FXN: variants seen among roughly 807,000 people sequenced by gnomAD.
FXN encodes the protein frataxin, mitochondrial.
FXN carries 14 observed loss-of-function variants against 22.4 expected under a neutral mutation model. The observed-to-expected ratio is 0.62, with a 90% CI of 0.41 to 0.98. The LOEUF (loss-of-function observed/expected upper bound fraction) is 0.98. Among genes scored for constraint, FXN ranks in the 50% least tolerant of loss-of-function variants. The pLI, the probability that FXN is intolerant of heterozygous loss-of-function variation, is 0.00. For synonymous variants in FXN, 120 were observed against 114.1 expected (o/e 1.05, Z -0.33); for missense variants, 267 against 268.4 (o/e 0.99, Z 0.04).
chr9:69,041,184 C>T (rs754061837), intron 1 of FXN, among the ~76,000 whole-genome samples: 42 of 152,186 alleles, frequency 2.8e-4, no homozygotes, highest in Non-Finnish European at 4.9e-4. Context: ...TTCTGTTCAT[C>T]GTACCCTCCT....
chr9:69,041,257 T>C (rs1831652522), intron 1 of FXN, among the ~76,000 whole-genome samples: 1 of 152,218 alleles, frequency 6.6e-6, no homozygotes, highest in South Asian at 2.1e-4. Context: ...ATACAAGGTA[T>C]TCTGCTGTAT....
chr9:69,040,417 C>T (rs1393915537), intron 1 of FXN, among the ~76,000 whole-genome samples: 1 of 152,118 alleles, frequency 6.6e-6, no homozygotes, highest in Non-Finnish European at 1.5e-5. Flanking sequence ...GCCTGTAATC[C>T]CAGCACTTTG....
intron 4 of FXN, among the ~76,000 whole-genome samples, chr9:69,071,748 G>A (rs9411184): frequency 9.9e-5 from 15 of 152,216 alleles, no homozygotes; most frequent in Non-Finnish European, 2.2e-4. Context: ...GGTGATTGCT[G>A]GGGTGCTAGG....
chr9:69,070,530 C>A (rs534891550), intron 4 of FXN, among the ~76,000 whole-genome samples: 2 of 152,306 alleles, frequency 1.3e-5, no homozygotes, highest in East Asian at 3.9e-4. Flanking sequence ...TTCCCTGTAC[C>A]TGGGTCCTGA....
At chr9:69,062,466 T>C (rs1355533265) in intron 3 of FXN, among the ~76,000 whole-genome samples, 1 of 152,018 alleles carries the variant, frequency 6.6e-6, no homozygotes, top group East Asian at 1.9e-4. Context: ...ACAGTAAAAA[T>C]GGGTTTCAGG....
chr9:69,041,484 G>T (rs1831656016), intron 1 of FXN, among the ~76,000 whole-genome samples: 1 of 152,206 alleles, frequency 6.6e-6, no homozygotes, highest in East Asian at 1.9e-4. Flanking sequence ...CTGTTCTTGT[G>T]CATGGACAGA....
intron 1 of FXN, among the ~76,000 whole-genome samples, chr9:69,039,875 G>A (rs1467181243): frequency 1.3e-5 from 2 of 152,190 alleles, no homozygotes; most frequent in Non-Finnish European, 2.9e-5. Flanking sequence ...CCTTCTTGCT[G>A]GTGGGGACTT....
Position 69,075,972 on chromosome 9 carries a change from T to C in FXN, c.*3210T>C. On this transcript the variant is annotated 3_prime_UTR_variant, in exon 5 of 5. Coordinates refer to ENST00000484259, the MANE Select transcript of FXN (RefSeq NM_000144.5). ...CACCTGCCTCGTCCTCCCAAGATGC[T>C]GGGATTACAGGTGTGTGCCACAGGT... 3 of 968,166 alleles carry C rather than the reference T, an allele frequency of 3.1e-6. No homozygotes were observed. The highest frequency in any genetic ancestry group is 3.7e-6 in the Non-Finnish European group (3 of 814,348). 60.0% of individuals were successfully genotyped at this position (968,166 alleles called of 1,614,324 possible).
At chr9:69,039,257 A>T (rs1356417992) in intron 1 of FXN, among the ~76,000 whole-genome samples, 1 of 148,342 alleles carries the variant, frequency 6.7e-6, no homozygotes, top group Non-Finnish European at 1.5e-5. Flanking sequence ...CTCCGTCTCA[A>T]AAAAAAAAAA....
chr9:69,039,733 G>A (rs1474813198), intron 1 of FXN, among the ~76,000 whole-genome samples: 1 of 152,150 alleles, frequency 6.6e-6, no homozygotes, highest in Non-Finnish European at 1.5e-5. Context: ...AGACAGCTTC[G>A]AGAAGGAGAT....
chr9:69,063,932 C>G (rs1587827622), intron 3 of FXN, among the ~76,000 whole-genome samples: 1 of 152,344 alleles, frequency 6.6e-6, no homozygotes, highest in Admixed American at 6.5e-5. Context: ...CATCTGCCTG[C>G]CTCGGCCTCC....
chr9:69,052,999 A>G, intron 2 of FXN, 141 bp from the exon 3 acceptor site: 1 of 980,314 alleles, frequency 1.0e-6, no homozygotes, highest in Non-Finnish European at 1.4e-6. Context: ...TCAAAAAAAA[A>G]AAAAAAAGAA....
chr9:69,076,373 C>G lies in FXN; in HGVS notation c.*3611C>G. 8.1e-6 allele frequency: 8 copies of G among 985,332 alleles called. No homozygotes were observed. Among genetic ancestry groups the G allele is most frequent in the Non-Finnish European group, 9.6e-6 (8 of 829,910 alleles). 61.0% of individuals were successfully genotyped at this position (985,332 alleles called of 1,614,324 possible). A position where few individuals can be genotyped will look rare whatever the true frequency, so the allele number is the denominator to read the frequency against. Reference sequence around the variant, plus strand: ...TTCATATTCACATTGGAGGACTTCTCCCAAAATATGGATGACGTTCCCTAC... The same window carrying G: ...TTCATATTCACATTGGAGGACTTCTGCCAAAATATGGATGACGTTCCCTAC... On this transcript the variant is annotated 3_prime_UTR_variant, in exon 5 of 5. Transcript: ENST00000484259.
chr9:69,063,968 G>A (rs775811038), intron 3 of FXN, among the ~76,000 whole-genome samples: 16 of 152,192 alleles, frequency 1.1e-4, no homozygotes, highest in Non-Finnish European at 1.8e-4. Context: ...TCAGGCATGA[G>A]CCATGCCTGG....
intron 3 of FXN, among the ~76,000 whole-genome samples, chr9:69,054,347 GA>G (rs1280535100): frequency 1.3e-5 from 2 of 152,190 alleles, no homozygotes; most frequent in Non-Finnish European, 2.9e-5. Flanking sequence ...CCAGATCCTA[GA>G]AGCCAGGGAA....
chr9:69,059,461 A>G (rs1437495213), intron 3 of FXN, among the ~76,000 whole-genome samples: 1 of 123,580 alleles, frequency 8.1e-6, no homozygotes, highest in Admixed American at 1.1e-4. Context: ...GTGCAGTGGC[A>G]CGATCTCAGC....
rs56827613 is a variant in FXN at position 69,075,459 on chromosome 9, CAAATAAAT to C, written c.*2713_*2720del. On this transcript the variant is annotated 3_prime_UTR_variant, in exon 5 of 5. Transcript: ENST00000484259. ...TGGCCAACAGAGCCATACTCCGTCT[CAAATAAAT>C]AAATAAATAAATAAAGGGACTTCAA... 1,248 of 924,126 alleles carry C rather than the reference CAAATAAAT, an allele frequency of 1.4e-3. 42 individuals are homozygous for C. The South Asian group carries it at 0.055, about 41-fold the overall frequency. 57.2% of individuals were successfully genotyped at this position (924,126 alleles called of 1,614,324 possible).
intron 1 of FXN, among the ~76,000 whole-genome samples, chr9:69,042,102 G>C (rs1831667739): frequency 6.6e-6 from 1 of 152,136 alleles, no homozygotes; most frequent in African/African-American, 2.4e-5. Context: ...GCTGGGCATG[G>C]AGGTGCACGC....
At chr9:69,055,730 G>C (rs1184807385) in intron 3 of FXN, among the ~76,000 whole-genome samples, 2 of 151,790 alleles carry the variant, frequency 1.3e-5, no homozygotes, top group Middle Eastern at 3.4e-3. Context: ...CTGATCTCAA[G>C]TGATCCACCC....
Sources: allele counts gnomAD v4.1 joint callset (sites outside exome capture counted in the v4.1 genomes callset), GRCh38; gene constraint gnomAD v4.1.1; transcripts MANE v1.5; gene names NCBI Gene and HGNC (gene_info 2026-07-23, HGNC 2026-07-21).